AUTS2: variants seen among roughly 807,000 people sequenced by gnomAD.
AUTS2 encodes the protein activator of transcription and developmental regulator AUTS2, also known as autism susceptibility gene 2 protein.
A neutral mutation model predicts 112.4 loss-of-function variants in AUTS2; 17 were observed. The ratio of observed to expected loss-of-function variants is 0.15; its 90% CI spans 0.10 to 0.23. The LOEUF (loss-of-function observed/expected upper bound fraction) is 0.23. AUTS2 is among the 10% of genes least tolerant of loss of function. The probability of loss-of-function intolerance (pLI) is 1.00; values close to 1 mark genes in which losing one functional copy is unlikely to be tolerated. For synonymous variants in AUTS2, 751 were observed against 702.7 expected (o/e 1.07, Z -1.09); for missense variants, 1,510 against 1,701.6 (o/e 0.89, Z 1.98).
At chr7:70,714,040 A>T (rs1259078184) in intron 6 of AUTS2, among the ~76,000 whole-genome samples, 1 of 152,238 alleles carries the variant, frequency 6.6e-6, no homozygotes, top group Non-Finnish European at 1.5e-5. Flanking sequence ...TGTGTGATCT[A>T]CATGGGTTAA....
chr7:69,633,559 C>T (rs1429249659), intron 1 of AUTS2, among the ~76,000 whole-genome samples: 2 of 152,112 alleles, frequency 1.3e-5, no homozygotes, highest in Non-Finnish European at 2.9e-5. Flanking sequence ...ACTACATTCC[C>T]ACCAACCGTA....
At chr7:70,022,383 C>T (rs905434254) in intron 2 of AUTS2, among the ~76,000 whole-genome samples, 2 of 150,302 alleles carry the variant, frequency 1.3e-5, no homozygotes, top group South Asian at 2.1e-4. Flanking sequence ...TGCTGTGGTG[C>T]GATCTTGCCT....
At chr7:70,678,361 A>G (rs937514753) in intron 5 of AUTS2, among the ~76,000 whole-genome samples, 7 of 152,240 alleles carry the variant, frequency 4.6e-5, no homozygotes, top group African/African-American at 1.7e-4. Flanking sequence ...TTTTGATGAC[A>G]TGAAGAGGCT....
In AUTS2 at chr7:70,297,229, TTCTTA is replaced by T. The variant is rs1225973251; in HGVS notation, c.661-138517_661-138513del. Reference sequence around the variant, plus strand: ...ATCCTTGACCCAGTAGCCAGAGTATTTCTTATCTTAAGTTTAGGAAAGACTACTCT... The same window carrying T: ...ATCCTTGACCCAGTAGCCAGAGTATTTCTTAAGTTTAGGAAAGACTACTCT... On this transcript the variant is annotated intron_variant, in intron 4 of 18. Coordinates refer to ENST00000342771, the MANE Select transcript of AUTS2 (RefSeq NM_015570.4). Among the ~76,000 whole-genome samples, 4 of 151,772 alleles carry T rather than the reference TTCTTA, an allele frequency of 2.6e-5. No homozygotes were observed. The East Asian group carries it at 5.8e-4, about 22-fold the overall frequency.
chr7:70,110,935 G>C (rs888799412), intron 2 of AUTS2, among the ~76,000 whole-genome samples: 1 of 138,344 alleles, frequency 7.2e-6, no homozygotes, highest in African/African-American at 2.8e-5. Flanking sequence ...GCAGTGGCGC[G>C]ATCTCAGCTC....
At chr7:70,041,247 C>A (rs1801232171) in intron 2 of AUTS2, among the ~76,000 whole-genome samples, 1 of 152,146 alleles carries the variant, frequency 6.6e-6, no homozygotes, top group African/African-American at 2.4e-5. Flanking sequence ...ACAAAAACTT[C>A]ATACTCTCTT....
chr7:70,640,663 T>C (rs1038988611), intron 5 of AUTS2, among the ~76,000 whole-genome samples: 8 of 152,054 alleles, frequency 5.3e-5, no homozygotes, highest in Non-Finnish European at 8.8e-5. Context: ...GGGCGGGGAT[T>C]GAAAGACGGC....
chr7:69,634,125 A>AT (rs1349228605), intron 1 of AUTS2, among the ~76,000 whole-genome samples: 4,231 of 149,484 alleles, frequency 0.028, 80 homozygotes, highest in South Asian at 0.045. Context: ...CTTGATTATT[A>AT]TTTTTTTTTT....
At chr7:69,956,931 C>T (rs1404693634) in intron 2 of AUTS2, among the ~76,000 whole-genome samples, 2 of 152,066 alleles carry the variant, frequency 1.3e-5, no homozygotes, top group Non-Finnish European at 2.9e-5. Context: ...GGTGTGATCA[C>T]AACTCACTGC....
chr7:69,927,592 C>T (rs538251431), intron 2 of AUTS2, among the ~76,000 whole-genome samples: 5 of 152,332 alleles, frequency 3.3e-5, no homozygotes, highest in South Asian at 2.1e-4. Flanking sequence ...CGACAGGCTG[C>T]GCTCAGCTTG....
intron 2 of AUTS2, among the ~76,000 whole-genome samples, chr7:69,969,918 A>AC (rs1195453495): frequency 6.6e-6 from 1 of 152,200 alleles, no homozygotes; most frequent in African/African-American, 2.4e-5. Flanking sequence ...ATTTAGGAAG[A>AC]TGATTTAATC....
At chr7:69,712,939 G>A (rs999097046) in intron 1 of AUTS2, among the ~76,000 whole-genome samples, 2 of 152,014 alleles carry the variant, frequency 1.3e-5, no homozygotes, top group South Asian at 2.1e-4. Flanking sequence ...GTAAAATCTC[G>A]TTGTGGTTTA....
intron 5 of AUTS2, among the ~76,000 whole-genome samples, chr7:70,487,867 T>C (rs1798075121): frequency 6.6e-6 from 1 of 152,070 alleles, no homozygotes; most frequent in Admixed American, 6.5e-5. Flanking sequence ...AAAGTAGTAA[T>C]TAGGAAGCAT....
At chr7:70,253,601 A>G (rs1262924418) in intron 4 of AUTS2, among the ~76,000 whole-genome samples, 1 of 152,102 alleles carries the variant, frequency 6.6e-6, no homozygotes, top group Non-Finnish European at 1.5e-5. Context: ...TTTTTACCAG[A>G]TATTTGATTA....
chr7:69,934,647 T>C (rs1358030624), intron 2 of AUTS2, among the ~76,000 whole-genome samples: 3 of 152,070 alleles, frequency 2.0e-5, no homozygotes, highest in Non-Finnish European at 2.9e-5. Flanking sequence ...TAGCAAACAC[T>C]GTGTGTGTTT....
intron 1 of AUTS2, among the ~76,000 whole-genome samples, chr7:69,648,520 G>A (rs1795144001): frequency 6.6e-6 from 1 of 151,580 alleles, no homozygotes; most frequent in African/African-American, 2.4e-5. Flanking sequence ...GGAGTGGGAT[G>A]GGATTTTTTT....
In AUTS2 at chr7:70,631,643, T is replaced by A. The variant is rs1805266763; in HGVS notation, c.691-66926T>A. Among the ~76,000 whole-genome samples, 1 of 152,146 alleles carries A rather than the reference T, an allele frequency of 6.6e-6. No homozygotes were observed. The highest frequency in any genetic ancestry group is 6.5e-5 in the Admixed American group (1 of 15,278). On this transcript the variant is annotated intron_variant, in intron 5 of 18. Transcript: ENST00000342771. This position sits in a 1 kb window ranked among gnomAD's most constrained non-coding sequence, Gnocchi z 4.5. ...ATGAAAATGGCCCAGCTGCAGAAAG[T>A]CATTCCTCACGAAGAAATGGGTGTG...
At chr7:70,727,558 G>A (rs1787112499) in intron 6 of AUTS2, among the ~76,000 whole-genome samples, 1 of 152,256 alleles carries the variant, frequency 6.6e-6, no homozygotes, top group South Asian at 2.1e-4. Context: ...ATGTTGGCCA[G>A]GCTGGTCTCG....
At chr7:70,223,129 C>T (rs1385150723) in intron 4 of AUTS2, among the ~76,000 whole-genome samples, 1 of 152,050 alleles carries the variant, frequency 6.6e-6, no homozygotes, top group Non-Finnish European at 1.5e-5. Context: ...CCTTGTGATC[C>T]TCCTGCCTTG....
Sources: allele counts gnomAD v4.1 joint callset (sites outside exome capture counted in the v4.1 genomes callset), GRCh38; gene constraint gnomAD v4.1.1; non-coding constraint Gnocchi (gnomAD v3.1); transcripts MANE v1.5; gene names NCBI Gene and HGNC (gene_info 2026-07-23, HGNC 2026-07-21).